Variants in ARL4A observed in about 807,000 individuals in gnomAD.
ARL4A encodes the protein ARF like GTPase 4A, also known as ADP-ribosylation factor-like protein 4A.
ARL4A carries 5 observed loss-of-function variants against 13.9 expected under a neutral mutation model. That is an observed-to-expected ratio of 0.36 (90% CI 0.19 to 0.75). The LOEUF (loss-of-function observed/expected upper bound fraction) is 0.75. Ranked by LOEUF, ARL4A falls within the 30% of genes least tolerant of loss-of-function variation. The pLI is 0.53. For synonymous variants in ARL4A, 77 were observed against 84.4 expected (o/e 0.91, Z 0.48); for missense variants, 147 against 225.8 (o/e 0.65, Z 2.24).
rs1381430826 is a variant in ARL4A at position 12,689,665 on chromosome 7, T to C, written c.*808T>C. ...CTTTCACTTGAAGAACCTAAAATGA[T>C]TGACTCATTCATAGTAAATATGGGC... On this transcript the variant is annotated 3_prime_UTR_variant, in exon 2 of 2. Transcript: ENST00000651779. 1 of 165,860 alleles carries C rather than the reference T, an allele frequency of 6.0e-6. No homozygotes were observed. The highest frequency in any genetic ancestry group is 2.4e-5 in the African/African-American group (1 of 41,386). The allele number at this position is 165,860 out of a possible 1,614,324, so 10.3% of individuals were successfully genotyped here.
rs547742844 is a variant in ARL4A, at chr7:12,690,338, C to A, written c.*1481C>A. The A allele has an allele frequency of 1.8e-5, 3 of 163,246 alleles. No homozygotes were observed. Among genetic ancestry groups the A allele is most frequent in the Non-Finnish European group, 4.5e-5 (3 of 67,402 alleles). 10.1% of individuals were successfully genotyped at this position (163,246 alleles called of 1,614,324 possible). A position where few individuals can be genotyped will look rare whatever the true frequency, so the allele number is the denominator to read the frequency against. ...TTCAGTGGCATAACAGTTTTTGGAA[C>A]CTTGATTCTTGTGTCACACAAAATG... On this transcript the variant is annotated 3_prime_UTR_variant, in exon 2 of 2. Coordinates refer to ENST00000651779, the MANE Select transcript of ARL4A (RefSeq NM_005738.5).
At chr7:12,687,323 C>T (rs967206510), upstream of ARL4A, 3 of 152,284 alleles carry the variant, frequency 2.0e-5, no homozygotes. The surrounding 1 kb of genome is among the most constrained non-coding windows in gnomAD (Gnocchi z 5.6). Context: ...GTGCGCCGGG[C>T]CGAACGGAGC....
chr7:12,690,300 G>GTT lies in ARL4A; in HGVS notation c.*1456_*1457dup, dbSNP rs66751850. 7 of 150,738 alleles carry GTT rather than the reference G, an allele frequency of 4.6e-5. No individual in the cohort carries two copies. The highest frequency in any genetic ancestry group is 1.6e-5 in the Non-Finnish European group (1 of 64,054). The allele number at this position is 150,738 out of a possible 1,614,324, so 9.3% of individuals were successfully genotyped here. ...TTTTGGCTTTGGGTTTTGTTTTTTT[G>GTT]TTTTTTTTTTTTTTCAGTGGCATAA... On this transcript the variant is annotated 3_prime_UTR_variant, in exon 2 of 2. Transcript: ENST00000651779.
In ARL4A at chr7:12,689,697, A is replaced by G. The variant is rs1437845921; in HGVS notation, c.*840A>G. ...ATTCATAGTAAATATGGGCATGTAA[A>G]CTAATAAATATGCACTGGATACATA... On this transcript the variant is annotated 3_prime_UTR_variant, in exon 2 of 2. Transcript: ENST00000651779. 1 of 166,918 alleles carries G rather than the reference A, an allele frequency of 6.0e-6. No homozygotes were observed. Among genetic ancestry groups the G allele is most frequent in the Non-Finnish European group, 1.5e-5 (1 of 68,104 alleles). The allele number at this position is 166,918 out of a possible 1,614,324, so 10.3% of individuals were successfully genotyped here. A position where few individuals can be genotyped will look rare whatever the true frequency, so the allele number is the denominator to read the frequency against.
rs4027602 is a variant in ARL4A, at chr7:12,688,629, G to C, written c.375G>C (p.Gln125His). 69 of 1,613,458 alleles carry C rather than the reference G, an allele frequency of 4.3e-5. No homozygotes were observed. The highest frequency in any genetic ancestry group is 1.7e-4 in the Middle Eastern group (1 of 5,762). ...LHKITRISEN[Q>H]GVPVLIVANK... is the part of the protein sequence containing the mutation. Reference sequence around the variant, plus strand: ...AAATAACTAGGATATCAGAAAATCAGGGAGTCCCTGTACTTATAGTTGCTA... The same window carrying C: ...AAATAACTAGGATATCAGAAAATCACGGAGTCCCTGTACTTATAGTTGCTA... Residue 125 changes from glutamine (Q) to histidine (H), a missense_variant, in exon 2 of 2, where the codon CAG becomes CAC. Gln to His is a conservative substitution (Grantham distance 24). Transcript: ENST00000651779. The surrounding 1 kb of genome is among the most constrained non-coding windows in gnomAD (Gnocchi z 5.2).
upstream of ARL4A, chr7:12,687,138 T>C (rs1473203277): frequency 3.9e-5 from 6 of 152,138 alleles, no homozygotes; most frequent in Non-Finnish European, 1.5e-5. This position sits in a 1 kb window ranked among gnomAD's most constrained non-coding sequence, Gnocchi z 5.6. Flanking sequence ...GGGATCCCAC[T>C]TCGGGGAGGA....
At chr7:12,687,357 C>G (rs533779227), upstream of ARL4A, 1 of 152,368 alleles carries the variant, frequency 6.6e-6, no homozygotes, top group African/African-American at 2.4e-5. The surrounding 1 kb of genome is among the most constrained non-coding windows in gnomAD (Gnocchi z 5.6). Context: ...GCGACCTGAC[C>G]GCCCGAGGCT....
rs2115331364 is a variant in ARL4A, at chr7:12,688,081, G to T, written c.-89-85G>T. 1.1e-6 allele frequency: 1 copy of T among 893,414 alleles called. No individual in the cohort carries two copies. The highest frequency in any genetic ancestry group is 1.6e-6 in the Non-Finnish European group (1 of 609,384). The allele number at this position is 893,414 out of a possible 1,614,324, so 55.3% of individuals were successfully genotyped here. A position where few individuals can be genotyped will look rare whatever the true frequency, so the allele number is the denominator to read the frequency against. The stretch of plus-strand genomic sequence containing the variant: ...CGCAGCAAGTTATAGTAAGTTCTTC[G>T]TGTTGTTTATTTTAGCAAAGTAGAG... On this transcript the variant is annotated intron_variant, in intron 1 of 1. Coordinates refer to ENST00000651779, the MANE Select transcript of ARL4A (RefSeq NM_005738.5). This position sits in a 1 kb window ranked among gnomAD's most constrained non-coding sequence, Gnocchi z 5.2.
rs916570619 is a variant in ARL4A, at chr7:12,688,152, C to T, written c.-89-14C>T. ...ATTTCGGGAGAATAACTTATTCCTT[C>T]TTCCGTCTCCCAGCAGTCTTATAGC... On this transcript the variant is annotated splice_polypyrimidine_tract_variant and intron_variant, in intron 1 of 1. Coordinates refer to ENST00000651779, the MANE Select transcript of ARL4A (RefSeq NM_005738.5). This position sits in a 1 kb window ranked among gnomAD's most constrained non-coding sequence, Gnocchi z 5.2. 13 of 1,458,002 alleles carry T rather than the reference C, an allele frequency of 8.9e-6. No individual in the cohort carries two copies. Among genetic ancestry groups the T allele is most frequent in the South Asian group, 1.5e-5 (1 of 68,304 alleles). The allele number at this position is 1,458,002 out of a possible 1,614,324, so 90.3% of individuals were successfully genotyped here.
chr7:12,688,174 T>A lies in ARL4A; in HGVS notation c.-81T>A. On this transcript the variant is annotated 5_prime_UTR_variant, in exon 2 of 2. An upstream open reading frame in the 5' UTR loses its in-frame stop. Transcript: ENST00000651779. This position sits in a 1 kb window ranked among gnomAD's most constrained non-coding sequence, Gnocchi z 5.2. The stretch of plus-strand genomic sequence containing the variant: ...CTTCTTCCGTCTCCCAGCAGTCTTA[T>A]AGCTGGATCAGCTACCAAGAGAAGT... The A allele has an allele frequency of 2.0e-6, 3 of 1,507,166 alleles. No individual in the cohort carries two copies. The highest frequency in any genetic ancestry group is 2.7e-6 in the Non-Finnish European group (3 of 1,126,938). 93.4% of individuals were successfully genotyped at this position (1,507,166 alleles called of 1,614,324 possible).
At position 12,689,887 on chromosome 7, in the gene ARL4A, T is replaced by TA. The variant is rs1784589926; in HGVS notation, c.*1033dup. Reference sequence around the variant, plus strand: ...TGTGTTGAGAAGAGCAAAAGCTTTATAAATATACCTGATGCGCTGTAGAAT... The same window carrying TA: ...TGTGTTGAGAAGAGCAAAAGCTTTATAAAATATACCTGATGCGCTGTAGAAT... On this transcript the variant is annotated 3_prime_UTR_variant, in exon 2 of 2. Transcript: ENST00000651779. 6.0e-6 allele frequency: 1 copy of TA among 166,976 alleles called. No homozygotes were observed. Among genetic ancestry groups the TA allele is most frequent in the Admixed American group, 6.5e-5 (1 of 15,284 alleles). 10.3% of individuals were successfully genotyped at this position (166,976 alleles called of 1,614,324 possible).
At position 12,689,301 on chromosome 7, in the gene ARL4A, T is replaced by G. The variant is rs1023803476; in HGVS notation, c.*444T>G. Reference sequence around the variant, plus strand: ...TTAAGGTAGATTAACATATATGCAGTTATATTGATCACATTGGTCCAACCA... The same window carrying G: ...TTAAGGTAGATTAACATATATGCAGGTATATTGATCACATTGGTCCAACCA... On this transcript the variant is annotated 3_prime_UTR_variant, in exon 2 of 2. Coordinates refer to ENST00000651779, the MANE Select transcript of ARL4A (RefSeq NM_005738.5). 1.1e-5 allele frequency: 2 copies of G among 173,964 alleles called. No homozygotes were observed. Among genetic ancestry groups the G allele is most frequent in the African/African-American group, 4.8e-5 (2 of 41,504 alleles). 10.8% of individuals were successfully genotyped at this position (173,964 alleles called of 1,614,324 possible). A position where few individuals can be genotyped will look rare whatever the true frequency, so the allele number is the denominator to read the frequency against.
Position 12,688,132 on chromosome 7 carries a change from G to T in ARL4A, c.-89-34G>T. 7.3e-7 allele frequency: 1 copy of T among 1,374,474 alleles called. No homozygotes were observed. Among genetic ancestry groups the T allele is most frequent in the South Asian group, 1.5e-5 (1 of 65,476 alleles). 85.1% of individuals were successfully genotyped at this position (1,374,474 alleles called of 1,614,324 possible). A position where few individuals can be genotyped will look rare whatever the true frequency, so the allele number is the denominator to read the frequency against. On this transcript the variant is annotated intron_variant, in intron 1 of 1. Coordinates refer to ENST00000651779, the MANE Select transcript of ARL4A (RefSeq NM_005738.5). The surrounding 1 kb of genome is among the most constrained non-coding windows in gnomAD (Gnocchi z 5.2). ...CAAACCTGTTTTAATGTATTATTTC[G>T]GGAGAATAACTTATTCCTTCTTCCG...
At chr7:12,686,993 C>T (rs1004804317), upstream of ARL4A, 4 of 152,156 alleles carry the variant, frequency 2.6e-5, no homozygotes, top group South Asian at 2.1e-4. Flanking sequence ...CGCGCCTCCC[C>T]AGCGGCTGGG....
rs1223169221 is a variant in ARL4A, at chr7:12,688,339, G to C, written c.85G>C (p.Asp29His). The change falls in exon 2 of 2, where the codon GAC becomes CAC. Residue 29 changes from aspartate to histidine, a missense_variant. By Grantham distance (81) the Asp-to-His change is moderately conservative. Coordinates refer to ENST00000651779, the MANE Select transcript of ARL4A (RefSeq NM_005738.5). This position sits in a 1 kb window ranked among gnomAD's most constrained non-coding sequence, Gnocchi z 5.2. The part of the protein sequence containing the change: ...QSFHIVILGL[D>H]CAGKTTVLYR... ...TTTCCACATTGTTATTCTGGGTTTG[G>C]ACTGTGCTGGAAAGACAACTGTCTT... 6 of 1,613,812 alleles carry C rather than the reference G, an allele frequency of 3.7e-6. No individual in the cohort carries two copies. Among genetic ancestry groups the C allele is most frequent in the Non-Finnish European group, 8.5e-7 (1 of 1,179,854 alleles).
chr7:12,689,977 G>GT lies in ARL4A; in HGVS notation c.*1122dup, dbSNP rs1784591802. The GT allele has an allele frequency of 6.0e-6, 1 of 166,976 alleles. No individual in the cohort carries two copies. The highest frequency in any genetic ancestry group is 1.5e-5 in the Non-Finnish European group (1 of 68,096). The allele number at this position is 166,976 out of a possible 1,614,324, so 10.3% of individuals were successfully genotyped here. The stretch of plus-strand genomic sequence containing the variant: ...ATTTTTTGTTTACAAATTGAACAGT[G>GT]TTACATGGGCTGTCCAGTCCTGATT... On this transcript the variant is annotated 3_prime_UTR_variant, in exon 2 of 2. Transcript: ENST00000651779.
Position 12,690,413 on chromosome 7 carries a change from A to C in ARL4A, c.*1556A>C, listed in dbSNP as rs894927925. 6.0e-6 allele frequency: 1 copy of C among 166,498 alleles called. No individual in the cohort carries two copies. Among genetic ancestry groups the C allele is most frequent in the Non-Finnish European group, 1.5e-5 (1 of 68,012 alleles). The allele number at this position is 166,498 out of a possible 1,614,324, so 10.3% of individuals were successfully genotyped here. A position where few individuals can be genotyped will look rare whatever the true frequency, so the allele number is the denominator to read the frequency against. Reference sequence around the variant, plus strand: ...TTCATATGTTAAATATTCCTGCACTAGTGATGGTCACTTAGAATGTTTATA... The same window carrying C: ...TTCATATGTTAAATATTCCTGCACTCGTGATGGTCACTTAGAATGTTTATA... On this transcript the variant is annotated 3_prime_UTR_variant, in exon 2 of 2. Coordinates refer to ENST00000651779, the MANE Select transcript of ARL4A (RefSeq NM_005738.5).
rs568419141 is a variant in ARL4A at position 12,689,207 on chromosome 7, G to T, written c.*350G>T. Reference sequence around the variant, plus strand: ...CTAGTGTTTTGTGCTTACATCTTTCGGGGGGAAGCCTTTGCAAGAAAATTG... The same window carrying T: ...CTAGTGTTTTGTGCTTACATCTTTCTGGGGGAAGCCTTTGCAAGAAAATTG... On this transcript the variant is annotated 3_prime_UTR_variant, in exon 2 of 2. Transcript: ENST00000651779. 1.9e-5 allele frequency: 4 copies of T among 213,502 alleles called. No individual in the cohort carries two copies. The highest frequency in any genetic ancestry group is 4.7e-5 in the African/African-American group (2 of 42,502). The allele number at this position is 213,502 out of a possible 1,614,324, so 13.2% of individuals were successfully genotyped here.
rs1352874220 is a variant in ARL4A, at chr7:12,689,850, A to G, written c.*993A>G. On this transcript the variant is annotated 3_prime_UTR_variant, in exon 2 of 2. Transcript: ENST00000651779. ...GGCTAAAAACAAATGTGGTTTTTAT[A>G]TATTTTTGTAGTGTGTTGAGAAGAG... 1.2e-5 allele frequency: 2 copies of G among 166,862 alleles called. No individual in the cohort carries two copies. The highest frequency in any genetic ancestry group is 2.9e-5 in the Non-Finnish European group (2 of 68,104). The allele number at this position is 166,862 out of a possible 1,614,324, so 10.3% of individuals were successfully genotyped here.
Sources: allele counts gnomAD v4.1 joint callset, GRCh38; gene constraint gnomAD v4.1.1; non-coding constraint Gnocchi (gnomAD v3.1); transcripts MANE v1.5; gene names NCBI Gene and HGNC (gene_info 2026-07-23, HGNC 2026-07-21).